C5: variants seen among roughly 807,000 people sequenced by gnomAD.
C5 encodes the protein complement C5, also known as C3 and PZP-like alpha-2-macroglobulin domain-containing protein 4.
Under a neutral mutation model 218.8 loss-of-function variants are expected in C5, and 140 were observed. That is an observed-to-expected ratio of 0.64 (90% CI 0.56 to 0.74). The LOEUF (loss-of-function observed/expected upper bound fraction) is 0.74. C5 is among the 30% of genes least tolerant of loss of function. The pLI is 0.00. For missense variants in C5, 1,700 were observed against 1,969.6 expected (o/e 0.86, Z 2.59); for synonymous variants, 614 against 682.3 (o/e 0.90, Z 1.56).
intron 20 of C5, among the ~76,000 whole-genome samples, chr9:121,001,707 C>T (rs2047162856): frequency 6.6e-6 from 1 of 151,988 alleles, no homozygotes; most frequent in African/African-American, 2.4e-5. Context: ...AATGTTTATT[C>T]CCCCAAATTA....
the C5 span, among the ~76,000 whole-genome samples, chr9:121,069,823 G>A: frequency 2.0e-5 from 3 of 152,098 alleles, no homozygotes; most frequent in African/African-American, 7.2e-5. Flanking sequence ...CAGAAAAAGG[G>A]ACTCATACAC....
In C5 at chr9:120,962,705, A is replaced by G. The variant is rs373515982; in HGVS notation, c.4470T>C (p.Pro1490=). 3.0e-5 allele frequency: 49 copies of G among 1,613,706 alleles called. No homozygotes were observed. Among genetic ancestry groups the G allele is most frequent in the African/African-American group, 4.0e-5 (3 of 74,924 alleles). The change falls in exon 36 of 41, where the codon CCT becomes CCC. Residue 1490 remains proline (P), a synonymous_variant. Coordinates refer to ENST00000223642, the MANE Select transcript of C5 (RefSeq NM_001735.3). ...FELFEVGFLS[P]ATFTVYEYHR... ...GGTATTCGTACACTGTGAAAGTGGC[A>G]GGACTGAGAAACCCAACTTCAAAGA...
chr9:121,039,743 G>A (rs539227049), intron 3 of C5, among the ~76,000 whole-genome samples: 1 of 152,248 alleles, frequency 6.6e-6, no homozygotes, highest in African/African-American at 2.4e-5. Context: ...CCACCTCCTG[G>A]GTTCATGCCA....
intron 7 of C5, among the ~76,000 whole-genome samples, chr9:121,028,867 C>T (rs1430150170): frequency 2.6e-5 from 4 of 152,028 alleles, no homozygotes; most frequent in Non-Finnish European, 5.9e-5. Flanking sequence ...CCTTCATGCA[C>T]TATTACATTT....
chr9:121,008,365 T>A (rs1479614830), intron 18 of C5, 43 bp downstream of exon 18: 1 of 1,438,168 alleles, frequency 7.0e-7, no homozygotes, highest in Non-Finnish European at 9.8e-7. Flanking sequence ...AATACTTGCA[T>A]TATCCACATT....
intron 39 of C5, among the ~76,000 whole-genome samples, chr9:120,956,325 C>CCA (rs2046784634): frequency 6.6e-6 from 1 of 151,780 alleles, no homozygotes; most frequent in Non-Finnish European, 1.5e-5. Context: ...TTCACAATAG[C>CCA]CACACACACA....
chr9:121,049,522 G>C (rs995735052), intron 1 of C5, among the ~76,000 whole-genome samples: 5 of 152,082 alleles, frequency 3.3e-5, no homozygotes, highest in African/African-American at 1.2e-4. Context: ...ATAAACAGGA[G>C]ACCTTAATAA....
Position 121,014,082 on chromosome 9 carries a change from A to G in C5, c.2060-12T>C. 1 of 1,609,122 alleles carries G rather than the reference A, an allele frequency of 6.2e-7. No individual in the cohort carries two copies. Among genetic ancestry groups the G allele is most frequent in the South Asian group, 1.1e-5 (1 of 90,966 alleles). On this transcript the variant is annotated splice_polypyrimidine_tract_variant and intron_variant, in intron 16 of 40. Transcript: ENST00000223642. ...TTTATATTTAGCAGCTGAAATGGTA[A>G]TAATGCAAGTGCTCTTGATGACGCA...
chr9:120,958,230 G>C (rs527391272), intron 38 of C5, among the ~76,000 whole-genome samples: 1 of 152,312 alleles, frequency 6.6e-6, no homozygotes, highest in South Asian at 2.1e-4. Flanking sequence ...CTGACTTTCA[G>C]ATTCATAAGT....
intron 25 of C5, among the ~76,000 whole-genome samples, chr9:120,986,459 T>C (rs1185243329): frequency 6.6e-6 from 1 of 152,138 alleles, no homozygotes; most frequent in Non-Finnish European, 1.5e-5. Context: ...AAAAATCTGC[T>C]TTGTATTTCT....
chr9:121,069,762 C>A, the C5 span, among the ~76,000 whole-genome samples: 1 of 152,090 alleles, frequency 6.6e-6, no homozygotes, highest in Non-Finnish European at 1.5e-5. Context: ...GATCCTCCCA[C>A]CTCAGCCTCC....
At chr9:120,962,402 G>T (rs1397920273) in intron 36 of C5, among the ~76,000 whole-genome samples, 3 of 152,160 alleles carry the variant, frequency 2.0e-5, no homozygotes, top group Non-Finnish European at 4.4e-5. Context: ...CTGAGGCAAA[G>T]AATATTGAAG....
intron 9 of C5, among the ~76,000 whole-genome samples, chr9:121,024,992 C>T (rs932188301): frequency 2.6e-5 from 4 of 152,082 alleles, no homozygotes; most frequent in Non-Finnish European, 4.4e-5. Flanking sequence ...AAACTTTAGG[C>T]TTTAGGAAAC....
At chr9:121,036,789 T>C (rs902499820) in intron 4 of C5, among the ~76,000 whole-genome samples, 22 of 152,230 alleles carry the variant, frequency 1.4e-4, no homozygotes, top group African/African-American at 4.8e-4. Flanking sequence ...TCCTACTGTA[T>C]AATTTATTTG....
intron 16 of C5, 48 bp from the exon 17 acceptor site, chr9:121,014,118 A>G (rs375665223): frequency 6.6e-7 from 1 of 1,520,292 alleles, no homozygotes; most frequent in Non-Finnish European, 9.1e-7. Flanking sequence ...GAGTGATAAC[A>G]TCTCAGGCTT....
intron 3 of C5, among the ~76,000 whole-genome samples, chr9:121,041,693 G>A (rs748459015): frequency 6.6e-6 from 1 of 152,120 alleles, no homozygotes; most frequent in Admixed American, 6.6e-5. Flanking sequence ...GTTGTGGGAC[G>A]TGTCAACAGG....
intron 30 of C5, among the ~76,000 whole-genome samples, 193 bp downstream of exon 30, chr9:120,974,586 C>G (rs1264447126): frequency 1.3e-5 from 2 of 152,230 alleles, no homozygotes; most frequent in Non-Finnish European, 2.9e-5. Context: ...TCTCCCTGCA[C>G]TACGCTGATT....
intron 37 of C5, among the ~76,000 whole-genome samples, chr9:120,961,235 A>G (rs1266064966): frequency 6.6e-6 from 1 of 152,164 alleles, no homozygotes; most frequent in Non-Finnish European, 1.5e-5. Context: ...TGTTGCCCCT[A>G]TAATATTCAA....
At chr9:120,962,595 C>T in intron 36 of C5, 76 bp downstream of exon 36, 2 of 1,136,116 alleles carry the variant, frequency 1.8e-6, no homozygotes, top group African/African-American at 1.5e-5. Flanking sequence ...ATTTACAGGA[C>T]TCTAGTGGAT....
Sources: gnomAD v4.1 joint callset for allele counts (sites outside exome capture counted in the v4.1 genomes callset) on GRCh38, gnomAD v4.1.1 for gene constraint, MANE v1.5 for transcripts, NCBI Gene and HGNC (gene_info 2026-07-23, HGNC 2026-07-21) for gene names.